Variants in LMBRD1 observed in about 807,000 individuals in gnomAD.
The protein encoded by LMBRD1 is lysosomal cobalamin transport escort protein LMBD1.
A neutral mutation model predicts 74.8 loss-of-function variants in LMBRD1; 64 were observed. That is an observed-to-expected ratio of 0.86 (90% CI 0.70 to 1.05). The LOEUF is 1.05. LMBRD1 is among the 50% of genes least tolerant of loss of function. The pLI, the probability that LMBRD1 is intolerant of heterozygous loss-of-function variation, is 0.00. For missense variants in LMBRD1, 652 were observed against 645.9 expected (o/e 1.01, Z -0.10); for synonymous variants, 204 against 216.3 (o/e 0.94, Z 0.50).
At position 69,705,326 on chromosome 6, in the gene LMBRD1, C is replaced by T. The variant is rs1228598602; in HGVS notation, c.916-3373G>A. The T allele has an allele frequency of 2.9e-5, 22 of 759,462 alleles. No individual in the cohort carries two copies. The East Asian group carries it at 5.4e-4, about 19-fold the overall frequency. 47.0% of individuals were successfully genotyped at this position (759,462 alleles called of 1,614,324 possible). On this transcript the variant is annotated intron_variant, in intron 9 of 15. Coordinates refer to ENST00000649934, the MANE Select transcript of LMBRD1 (RefSeq NM_018368.4). ...TCAACTGCCAGAGATCTTGAATAGC[C>T]TCCTGGTCAGTCATCCGGAAGCAAT...
At chr6:69,703,377 T>C (rs1403818920) in intron 9 of LMBRD1, among the ~76,000 whole-genome samples, 2 of 150,808 alleles carry the variant, frequency 1.3e-5, no homozygotes, top group Non-Finnish European at 2.9e-5. Flanking sequence ...AACTATGAAA[T>C]GCCAATTAGT....
intron 7 of LMBRD1, among the ~76,000 whole-genome samples, chr6:69,735,466 T>C (rs1766956373): frequency 6.6e-6 from 1 of 152,122 alleles, no homozygotes; most frequent in South Asian, 2.1e-4. Context: ...AAAGATGTTA[T>C]TTGAGGACCT....
rs542372573 is a variant in LMBRD1, at chr6:69,766,108, A to C, written c.308-13752T>G. ...ACTTAAGTAAATATTTAAATAACTA[A>C]ATAATAAAAATTAATATTTAAGTAA... On this transcript the variant is annotated intron_variant, in intron 3 of 15. Coordinates refer to ENST00000649934, the MANE Select transcript of LMBRD1 (RefSeq NM_018368.4). 1.6e-4 allele frequency among the ~76,000 whole-genome samples: 25 copies of C among 151,716 alleles called. No homozygotes were observed. The South Asian group carries it at 5.0e-3, about 30-fold the overall frequency.
chr6:69,777,470 G>T (rs931782590), intron 3 of LMBRD1, among the ~76,000 whole-genome samples: 4 of 149,436 alleles, frequency 2.7e-5, no homozygotes, highest in Non-Finnish European at 5.9e-5. Flanking sequence ...AGAGGCCCCA[G>T]ATGATTTCTG....
chr6:69,733,056 T>C (rs1766896165), intron 7 of LMBRD1, among the ~76,000 whole-genome samples: 1 of 152,014 alleles, frequency 6.6e-6, no homozygotes, highest in South Asian at 2.1e-4. Flanking sequence ...ATTTAAATAA[T>C]CAACTAGTTT....
intron 14 of LMBRD1, among the ~76,000 whole-genome samples, chr6:69,681,141 T>C (rs1459837458): frequency 6.6e-6 from 1 of 151,600 alleles, no homozygotes; most frequent in African/African-American, 2.4e-5. Context: ...CAATGAACAC[T>C]AAACATGGGG....
intron 3 of LMBRD1, among the ~76,000 whole-genome samples, chr6:69,772,662 G>A (rs1765599736): frequency 6.6e-6 from 1 of 152,090 alleles, no homozygotes; most frequent in South Asian, 2.1e-4. Context: ...AAAAGGGGCA[G>A]GAGACAGGAC....
At chr6:69,791,458 A>G (rs958588739) in intron 1 of LMBRD1, among the ~76,000 whole-genome samples, 3 of 152,124 alleles carry the variant, frequency 2.0e-5, no homozygotes, top group African/African-American at 4.8e-5. Context: ...ACATTCCCCA[A>G]TCAATTCTAT....
At chr6:69,689,099 A>C (rs1461204208) in intron 14 of LMBRD1, among the ~76,000 whole-genome samples, 2 of 152,100 alleles carry the variant, frequency 1.3e-5, no homozygotes, top group Non-Finnish European at 2.9e-5. Context: ...GGAATAGGAC[A>C]ACTCTCCCTA....
intron 14 of LMBRD1, among the ~76,000 whole-genome samples, chr6:69,693,085 T>A (rs1192986549): frequency 3.9e-5 from 6 of 152,154 alleles, no homozygotes; most frequent in Admixed American, 3.9e-4. Flanking sequence ...AAAGGTCCCC[T>A]TGGAATAATA....
chr6:69,762,296 T>C (rs914045184), intron 3 of LMBRD1, among the ~76,000 whole-genome samples: 2 of 151,938 alleles, frequency 1.3e-5, no homozygotes, highest in Non-Finnish European at 2.9e-5. Context: ...CTGGACCATA[T>C]AGGAAATTTA....
At chr6:69,768,834 G>T (rs1245016868) in intron 3 of LMBRD1, among the ~76,000 whole-genome samples, 1 of 151,914 alleles carries the variant, frequency 6.6e-6, no homozygotes, top group African/African-American at 2.4e-5. Flanking sequence ...GATTTTAGAG[G>T]ACACAGAAAT....
intron 7 of LMBRD1, among the ~76,000 whole-genome samples, chr6:69,732,863 T>G (rs183028422): frequency 6.6e-6 from 1 of 152,150 alleles, no homozygotes; most frequent in Non-Finnish European, 1.5e-5. Context: ...AATTAGAATA[T>G]CTACATATAT....
At chr6:69,741,695 AAAT>A (rs1767105787) in intron 6 of LMBRD1, 91 bp downstream of exon 6, 3 of 797,698 alleles carry the variant, frequency 3.8e-6, no homozygotes, top group Admixed American at 2.0e-5. Context: ...AGCTGGGGTT[AAAT>A]TCTTAACAAA....
At chr6:69,752,378 C>T (rs770490156) in intron 3 of LMBRD1, 22 bp from the exon 4 acceptor site, 9 of 1,571,192 alleles carry the variant, frequency 5.7e-6, no homozygotes, top group East Asian at 2.3e-5. Context: ...AATAATAAAC[C>T]GAGCTTTACT....
intron 13 of LMBRD1, among the ~76,000 whole-genome samples, 160 bp downstream of exon 13, chr6:69,698,881 AAT>A (rs916191821): frequency 6.6e-6 from 1 of 151,962 alleles, no homozygotes; most frequent in African/African-American, 2.4e-5. Flanking sequence ...GTATGAAACA[AAT>A]ATAAATATGC....
At chr6:69,742,991 A>G (rs1767137304) in intron 5 of LMBRD1, among the ~76,000 whole-genome samples, 1 of 152,164 alleles carries the variant, frequency 6.6e-6, no homozygotes, top group African/African-American at 2.4e-5. Flanking sequence ...TTACAGGCAT[A>G]GAGCAATAAA....
intron 3 of LMBRD1, among the ~76,000 whole-genome samples, chr6:69,753,649 G>A (rs1489380075): frequency 6.6e-6 from 1 of 152,184 alleles, no homozygotes; most frequent in African/African-American, 2.4e-5. Context: ...GTTCCTAACT[G>A]CATTGTTCAC....
chr6:69,731,308 G>A lies in LMBRD1; in HGVS notation c.636+6634C>T, dbSNP rs1016445915. Among the ~76,000 whole-genome samples, 10 of 152,048 alleles carry A rather than the reference G, an allele frequency of 6.6e-5. No homozygotes were observed. The South Asian group carries it at 8.3e-4, about 13-fold the overall frequency. ...TGTATATTTCCAAATAGCTAGAAGAGAATAATTCAGATATTCCTGGCATAA... is the reference window on the plus strand; with the variant it reads ...TGTATATTTCCAAATAGCTAGAAGAAAATAATTCAGATATTCCTGGCATAA... On this transcript the variant is annotated intron_variant, in intron 7 of 15. Coordinates refer to ENST00000649934, the MANE Select transcript of LMBRD1 (RefSeq NM_018368.4).
Sources: gnomAD v4.1 joint callset for allele counts (sites outside exome capture counted in the v4.1 genomes callset) on GRCh38, gnomAD v4.1.1 for gene constraint, MANE v1.5 for transcripts, NCBI Gene and HGNC (gene_info 2026-07-23, HGNC 2026-07-21) for gene names.